Variants in B3GAT2 observed in about 807,000 individuals in gnomAD.
B3GAT2 encodes beta-1,3-glucuronyltransferase 2, also known as galactosylgalactosylxylosylprotein 3-beta-glucuronosyltransferase 2.
Under a neutral mutation model 27.8 loss-of-function variants are expected in B3GAT2, and 26 were observed. The observed-to-expected ratio is 0.93, with a 90% CI of 0.68 to 1.30. The LOEUF is 1.30. Among genes scored for constraint, B3GAT2 ranks in the 50% most tolerant of loss-of-function variants. B3GAT2 has a pLI of 0.00. For missense variants in B3GAT2, 458 were observed against 459.0 expected (o/e 1.00, Z 0.02); for synonymous variants, 218 against 195.1 (o/e 1.12, Z -0.98).
intron 2 of B3GAT2, among the ~76,000 whole-genome samples, chr6:70,875,123 T>C (rs1771993652): frequency 6.6e-6 from 1 of 152,180 alleles, no homozygotes; most frequent in African/African-American, 2.4e-5. Context: ...TGGATGAGAA[T>C]ATTCAGAAGT....
rs113626452 is a variant in B3GAT2, at chr6:70,923,419, G to A, written c.592-29147C>T. Among the ~76,000 whole-genome samples, 23 of 152,204 alleles carry A rather than the reference G, an allele frequency of 1.5e-4. No homozygotes were observed. The South Asian group carries it at 1.9e-3, about 12-fold the overall frequency. On this transcript the variant is annotated intron_variant, in intron 1 of 3. Transcript: ENST00000230053. ...AGTCCAGGTGCAACGGCTCACACCC[G>A]TAATCCCTGCACTTTGGGAGGCTGA...
chr6:70,910,371 G>A (rs987021091), intron 1 of B3GAT2, among the ~76,000 whole-genome samples: 2 of 151,928 alleles, frequency 1.3e-5, no homozygotes, highest in Non-Finnish European at 2.9e-5. Flanking sequence ...TCCCTTCTTT[G>A]TATCCATGTG....
chr6:70,950,732 T>C (rs1373861419), intron 1 of B3GAT2, among the ~76,000 whole-genome samples: 1 of 152,190 alleles, frequency 6.6e-6, no homozygotes, highest in African/African-American at 2.4e-5. Context: ...AACTAAATAT[T>C]AGCATTAGTA....
intron 1 of B3GAT2, among the ~76,000 whole-genome samples, chr6:70,946,421 G>T (rs1482901823): frequency 6.6e-6 from 1 of 151,766 alleles, no homozygotes; most frequent in Non-Finnish European, 1.5e-5. Flanking sequence ...AAAAGGCAGG[G>T]GTTGCAATCC....
chr6:70,860,437 C>G lies in B3GAT2; in HGVS notation c.*1226G>C, dbSNP rs953611022. Reference sequence around the variant, plus strand: ...ATATGCATATTTTTTTTCTTTTTACCCATTTGTTCATATTAAGAATGATCT... The same window carrying G: ...ATATGCATATTTTTTTTCTTTTTACGCATTTGTTCATATTAAGAATGATCT... On this transcript the variant is annotated 3_prime_UTR_variant, in exon 4 of 4. Transcript: ENST00000230053. The G allele has an allele frequency of 2.9e-6, 4 of 1,366,870 alleles. No homozygotes were observed. Among genetic ancestry groups the G allele is most frequent in the African/African-American group, 1.5e-5 (1 of 68,306 alleles). 84.7% of individuals were successfully genotyped at this position (1,366,870 alleles called of 1,614,324 possible).
At chr6:70,864,666 A>G (rs62419740) in intron 2 of B3GAT2, among the ~76,000 whole-genome samples, 26,290 of 152,120 alleles carry the variant, frequency 0.17, 2,407 homozygotes, top group Middle Eastern at 0.24. Context: ...CATGTTAACT[A>G]GGTCAACCCC....
intron 2 of B3GAT2, among the ~76,000 whole-genome samples, chr6:70,876,071 G>T (rs1236900922): frequency 6.6e-6 from 1 of 152,116 alleles, no homozygotes; most frequent in African/African-American, 2.4e-5. Flanking sequence ...ACTCTGATGG[G>T]AAATAAACCC....
In B3GAT2 at chr6:70,945,338, G is replaced by C. The variant is rs372472720; in HGVS notation, c.591+10501C>G. Among the ~76,000 whole-genome samples the C allele has an allele frequency of 1.5e-4, 23 of 152,206 alleles. 1 individual carries two copies. Among genetic ancestry groups the C allele is most frequent in the African/African-American group, 5.1e-4 (21 of 41,562 alleles). Reference sequence around the variant, plus strand: ...TAAAAACTTTGAAAAAAATTTAGACGAATGTATAACTAGAATAACCAATAC... The same window carrying C: ...TAAAAACTTTGAAAAAAATTTAGACCAATGTATAACTAGAATAACCAATAC... On this transcript the variant is annotated intron_variant, in intron 1 of 3. Coordinates refer to ENST00000230053, the MANE Select transcript of B3GAT2 (RefSeq NM_080742.3).
chr6:70,878,959 AAT>A (rs1772057752), intron 2 of B3GAT2, among the ~76,000 whole-genome samples: 1 of 152,072 alleles, frequency 6.6e-6, no homozygotes, highest in African/African-American at 2.4e-5. Flanking sequence ...CAGGCATTGA[AAT>A]ATACCAACGT....
At position 70,856,766 on chromosome 6, in the gene B3GAT2, A is replaced by G. The variant is rs139388039; in HGVS notation, c.*4897T>C. On this transcript the variant is annotated 3_prime_UTR_variant, in exon 4 of 4. Coordinates refer to ENST00000230053, the MANE Select transcript of B3GAT2 (RefSeq NM_080742.3). ...TACCTTCTACAATTGTTTGATTCCTATCTAATTTTATAACTTTATTTGGAT... is the reference window on the plus strand; with the variant it reads ...TACCTTCTACAATTGTTTGATTCCTGTCTAATTTTATAACTTTATTTGGAT... The G allele has an allele frequency of 6.5e-4, 846 of 1,292,822 alleles. 6 individuals are homozygous for G. In the African/African-American group the frequency reaches 0.012, roughly 18 times the overall value. 80.1% of individuals were successfully genotyped at this position (1,292,822 alleles called of 1,614,324 possible). A position where few individuals can be genotyped will look rare whatever the true frequency, so the allele number is the denominator to read the frequency against.
At chr6:70,934,104 T>C (rs1485509847) in intron 1 of B3GAT2, among the ~76,000 whole-genome samples, 1 of 152,206 alleles carries the variant, frequency 6.6e-6, no homozygotes, top group Non-Finnish European at 1.5e-5. Flanking sequence ...TGGGAGCCTT[T>C]GGCTCAGTCA....
intron 2 of B3GAT2, among the ~76,000 whole-genome samples, chr6:70,864,058 A>AT (rs1771810409): frequency 7.6e-6 from 1 of 131,800 alleles, no homozygotes; most frequent in Admixed American, 8.0e-5. Context: ...AATAAGCTTT[A>AT]TCCTTTTTTT....
rs1482407063 is a variant in B3GAT2, at chr6:70,861,079, C to G, written c.*584G>C. On this transcript the variant is annotated 3_prime_UTR_variant, in exon 4 of 4. Coordinates refer to ENST00000230053, the MANE Select transcript of B3GAT2 (RefSeq NM_080742.3). ...CAATCTTCAATCCTTGAAGGTATAT[C>G]TAGGTTTATGACAGTAATTGTGTTT... 1.0e-5 allele frequency: 2 copies of G among 194,306 alleles called. No homozygotes were observed. The highest frequency in any genetic ancestry group is 2.3e-5 in the African/African-American group (1 of 43,318). The allele number at this position is 194,306 out of a possible 1,614,324, so 12.0% of individuals were successfully genotyped here.
Position 70,938,024 on chromosome 6 carries a change from C to T in B3GAT2, c.591+17815G>A, listed in dbSNP as rs1036917747. Among the ~76,000 whole-genome samples, 3 of 151,264 alleles carry T rather than the reference C, an allele frequency of 2.0e-5. No individual in the cohort carries two copies. In the Admixed American group the frequency reaches 2.0e-4, roughly 10 times the overall value. Reference sequence around the variant, plus strand: ...AAACCCCATTGTCTCAGCCAAAAATCTCCTTAAGCTGATAAGCAACTTCAG... The same window carrying T: ...AAACCCCATTGTCTCAGCCAAAAATTTCCTTAAGCTGATAAGCAACTTCAG... On this transcript the variant is annotated intron_variant, in intron 1 of 3. Coordinates refer to ENST00000230053, the MANE Select transcript of B3GAT2 (RefSeq NM_080742.3).
chr6:70,897,126 T>C (rs906247822), intron 1 of B3GAT2, among the ~76,000 whole-genome samples: 5 of 152,188 alleles, frequency 3.3e-5, no homozygotes, highest in African/African-American at 1.2e-4. Flanking sequence ...AATAGTGGTA[T>C]CCCATTATAG....
In B3GAT2 at chr6:70,857,974, AT is replaced by A; in HGVS notation, c.*3688del. ...CATTTACCTCACAAGCACCAGCTGC[AT>A]TTCAGGGCTTTCCATCGATGGGCGT... On this transcript the variant is annotated 3_prime_UTR_variant, in exon 4 of 4. Transcript: ENST00000230053. The A allele has an allele frequency of 6.2e-7, 1 of 1,614,134 alleles. No individual in the cohort carries two copies. The highest frequency in any genetic ancestry group is 8.5e-7 in the Non-Finnish European group (1 of 1,180,002).
chr6:70,951,806 C>T (rs954767163), intron 1 of B3GAT2, among the ~76,000 whole-genome samples: 2 of 152,088 alleles, frequency 1.3e-5, no homozygotes, highest in Admixed American at 1.3e-4. Flanking sequence ...TGGCATGACT[C>T]TTAATAGCTT....
chr6:70,912,897 G>A (rs1772710400), intron 1 of B3GAT2, among the ~76,000 whole-genome samples: 1 of 152,066 alleles, frequency 6.6e-6, no homozygotes, highest in South Asian at 2.1e-4. Context: ...GTTCAGTCTT[G>A]GGAGACTGTA....
intron 1 of B3GAT2, among the ~76,000 whole-genome samples, chr6:70,897,631 C>T (rs1046259066): frequency 1.9e-4 from 28 of 144,240 alleles, no homozygotes; most frequent in Non-Finnish European, 3.4e-4. Context: ...AACAGCTATT[C>T]AGGAGGGTGA....
Sources: allele counts gnomAD v4.1 joint callset (sites outside exome capture counted in the v4.1 genomes callset), GRCh38; gene constraint gnomAD v4.1.1; transcripts MANE v1.5; gene names NCBI Gene and HGNC (gene_info 2026-07-23, HGNC 2026-07-21).